The following ATG5 variants were observed in gnomAD, a reference collection of about 807,000 sequenced individuals.
ATG5 encodes the protein autophagy related 5.
ATG5 carries 14 observed loss-of-function variants against 36.5 expected under a neutral mutation model. The observed-to-expected ratio is 0.38, with a 90% CI of 0.25 to 0.60. ATG5 has a LOEUF of 0.60. Among genes scored for constraint, ATG5 ranks in the 20% least tolerant of loss-of-function variants. The pLI is 0.60. For synonymous variants in ATG5, 95 were observed against 101.5 expected (o/e 0.94, Z 0.38); for missense variants, 195 against 326.7 (o/e 0.60, Z 3.11).
intron 1 of ATG5, among the ~76,000 whole-genome samples, chr6:106,319,094 T>C (rs1378550196): frequency 6.6e-6 from 1 of 152,232 alleles, no homozygotes; most frequent in Non-Finnish European, 1.5e-5. Flanking sequence ...TCTCTATTTC[T>C]GTTTTCTCAT....
At chr6:106,186,817 G>GTTCC in intron 7 of ATG5, 141 bp from the exon 8 acceptor site, 2 of 983,452 alleles carry the variant, frequency 2.0e-6, no homozygotes, top group East Asian at 5.2e-5. Flanking sequence ...TGGACATGGA[G>GTTCC]AAAGTTCAAA....
intron 6 of ATG5, among the ~76,000 whole-genome samples, chr6:106,243,530 G>GGAAA (rs761128910): frequency 1.6e-4 from 21 of 133,396 alleles, no homozygotes; most frequent in African/African-American, 4.0e-4. Flanking sequence ...CCTCTCTGGG[G>GGAAA]AAAAAAAAAA....
At position 106,185,287 on chromosome 6, in the gene ATG5, A is replaced by G. The variant is rs1229938721; in HGVS notation, c.*1253T>C. The G allele has an allele frequency of 1.3e-5, 2 of 152,758 alleles. No homozygotes were observed. Among genetic ancestry groups the G allele is most frequent in the Admixed American group, 6.6e-5 (1 of 15,260 alleles). 9.5% of individuals were successfully genotyped at this position (152,758 alleles called of 1,614,324 possible). On this transcript the variant is annotated 3_prime_UTR_variant, in exon 8 of 8. Coordinates refer to ENST00000369076, the MANE Select transcript of ATG5 (RefSeq NM_004849.4). ...AACATTCATTTTTATTATGGGATCT[A>G]AAACCATGATCGTGTCTGATACTGT...
chr6:106,195,826 A>C, intron 7 of ATG5, among the ~76,000 whole-genome samples: 1 of 151,638 alleles, frequency 6.6e-6, no homozygotes, highest in Admixed American at 6.6e-5. Context: ...AAAAAAAAAA[A>C]AAAAAACCAC....
intron 5 of ATG5, among the ~76,000 whole-genome samples, chr6:106,263,029 C>G (rs1779088941): frequency 6.6e-6 from 1 of 152,196 alleles, no homozygotes; most frequent in Admixed American, 6.5e-5. Context: ...GCTGAAGCCA[C>G]AGAGTCAAGT....
intron 3 of ATG5, chr6:106,304,408 G>A (rs1770349641): frequency 6.6e-6 from 1 of 152,078 alleles, no homozygotes; most frequent in Admixed American, 6.5e-5. Context: ...TCTCAATATA[G>A]TCCCAGAATG....
intron 6 of ATG5, among the ~76,000 whole-genome samples, chr6:106,238,575 A>G (rs1306083691): frequency 6.6e-6 from 1 of 152,168 alleles, no homozygotes; most frequent in Non-Finnish European, 1.5e-5. Flanking sequence ...GAACCTCTAC[A>G]GTGTTTTCCT....
chr6:106,308,636 G>C, intron 2 of ATG5, 145 bp from the exon 3 acceptor site: 1 of 620,318 alleles, frequency 1.6e-6, no homozygotes, highest in East Asian at 3.3e-5. Flanking sequence ...GCTTTTTATA[G>C]AAGATCAAAG....
intron 5 of ATG5, among the ~76,000 whole-genome samples, chr6:106,253,674 A>G (rs1326481861): frequency 1.3e-5 from 2 of 152,194 alleles, no homozygotes; most frequent in Non-Finnish European, 2.9e-5. Context: ...TCCTATGTTT[A>G]TCCCCTGTGC....
At chr6:106,320,673 G>GT (rs1339907397) in intron 1 of ATG5, among the ~76,000 whole-genome samples, 2 of 151,526 alleles carry the variant, frequency 1.3e-5, no homozygotes, top group African/African-American at 4.9e-5. Context: ...TGGACACATG[G>GT]TAAGTGCTAG....
rs559474859 is a variant in ATG5, at chr6:106,296,052, G to A, written c.237-2946C>T. 4.1e-4 allele frequency among the ~76,000 whole-genome samples: 63 copies of A among 152,062 alleles called. 1 individual carries two copies. The highest frequency in any genetic ancestry group is 6.5e-4 in the Admixed American group (10 of 15,278). On this transcript the variant is annotated intron_variant, in intron 3 of 7. Coordinates refer to ENST00000369076, the MANE Select transcript of ATG5 (RefSeq NM_004849.4). Reference sequence around the variant, plus strand: ...TAAACAACTGCTGAATGCATAAATCGAAGAAGTCCACAGACTAACCCTAGG... The same window carrying A: ...TAAACAACTGCTGAATGCATAAATCAAAGAAGTCCACAGACTAACCCTAGG...
chr6:106,295,549 A>G (rs1582666555), intron 3 of ATG5, among the ~76,000 whole-genome samples: 1 of 151,982 alleles, frequency 6.6e-6, no homozygotes, highest in African/African-American at 2.4e-5. Context: ...GCAATCTATA[A>G]TATAAAATCA....
intron 2 of ATG5, among the ~76,000 whole-genome samples, chr6:106,308,988 AC>A (rs1235366235): frequency 1.3e-5 from 2 of 152,192 alleles, no homozygotes; most frequent in Non-Finnish European, 2.9e-5. Flanking sequence ...TCAAAAAAAA[AC>A]AGTATGAAGA....
chr6:106,212,910 C>T (rs1044705055), intron 6 of ATG5, among the ~76,000 whole-genome samples: 7 of 152,136 alleles, frequency 4.6e-5, no homozygotes, highest in Non-Finnish European at 1.0e-4. Flanking sequence ...CAAGTAGCTG[C>T]TAGTTGAGTA....
intron 4 of ATG5, among the ~76,000 whole-genome samples, chr6:106,285,583 A>G (rs1780045021): frequency 6.6e-6 from 1 of 152,214 alleles, no homozygotes; most frequent in Non-Finnish European, 1.5e-5. Context: ...AAAGACTGGC[A>G]ATAGAGATTG....
At chr6:106,195,695 T>C (rs930700754) in intron 7 of ATG5, among the ~76,000 whole-genome samples, 5 of 151,844 alleles carry the variant, frequency 3.3e-5, no homozygotes, top group African/African-American at 9.7e-5. Context: ...ATTTGACAGT[T>C]TGCATGGGGA....
At chr6:106,215,869 A>G (rs1180207346) in intron 6 of ATG5, among the ~76,000 whole-genome samples, 2 of 152,218 alleles carry the variant, frequency 1.3e-5, no homozygotes, top group Non-Finnish European at 2.9e-5. Context: ...ATAAGAGACC[A>G]CTATTCAGAA....
At chr6:106,280,554 C>G (rs934487833) in intron 4 of ATG5, among the ~76,000 whole-genome samples, 3 of 150,458 alleles carry the variant, frequency 2.0e-5, no homozygotes, top group South Asian at 2.1e-4. Flanking sequence ...TTCACTGATT[C>G]TTTTAGGCAG....
chr6:106,286,866 A>T (rs753926115), intron 4 of ATG5, among the ~76,000 whole-genome samples: 1 of 152,188 alleles, frequency 6.6e-6, no homozygotes, highest in Non-Finnish European at 1.5e-5. Context: ...CAGCAAACTA[A>T]GTCTACAAGT....
Sources: allele counts gnomAD v4.1 joint callset (sites outside exome capture counted in the v4.1 genomes callset), GRCh38; gene constraint gnomAD v4.1.1; transcripts MANE v1.5; gene names NCBI Gene and HGNC (gene_info 2026-07-23, HGNC 2026-07-21).